The following TNFAIP8 variants were observed in gnomAD, a reference collection of about 807,000 sequenced individuals.
The protein encoded by TNFAIP8 is tumor necrosis factor alpha-induced protein 8.
A neutral mutation model predicts 13.3 loss-of-function variants in TNFAIP8; 7 were observed. The observed-to-expected ratio is 0.52, with a 90% CI of 0.30 to 0.99. The LOEUF is 0.99. TNFAIP8 is among the 50% of genes least tolerant of loss of function. TNFAIP8 has a pLI of 0.07. For synonymous variants in TNFAIP8, 94 were observed against 87.6 expected (o/e 1.07, Z -0.41); for missense variants, 258 against 236.9 (o/e 1.09, Z -0.58).
chr5:119,393,341 G>A lies in TNFAIP8; in HGVS notation c.557G>A (p.Cys186Tyr). ...TTTAAACCCCACTTACAAAAACTAT[G>A]TGATGGTATCAACAAAATGTTGGAT... is the stretch of plus-strand genomic sequence containing the variant. ...GNFKPHLQKL[C>Y]DGINKMLDEE... The change falls in exon 2 of 2, where the codon TGT becomes TAT. Residue 186 changes from cysteine (C) to tyrosine (Y), a missense_variant. By Grantham distance (194) the Cys-to-Tyr change is radical (BLOSUM62 -2). Transcript: ENST00000504771. 8 of 1,613,898 alleles carry A rather than the reference G, an allele frequency of 5.0e-6. No individual in the cohort carries two copies. The highest frequency in any genetic ancestry group is 1.1e-5 in the South Asian group (1 of 91,076).
At chr5:119,350,633 A>C (rs1751088537) in intron 1 of TNFAIP8, among the ~76,000 whole-genome samples, 1 of 152,230 alleles carries the variant, frequency 6.6e-6, no homozygotes, top group Non-Finnish European at 1.5e-5. Flanking sequence ...CACATCCCAG[A>C]TGTATTATTG....
intron 1 of TNFAIP8, among the ~76,000 whole-genome samples, chr5:119,348,163 C>G (rs1471205811): frequency 6.6e-6 from 1 of 152,154 alleles, no homozygotes; most frequent in African/African-American, 2.4e-5. Flanking sequence ...CACTGGGTGT[C>G]TTGAGCAGAG....
chr5:119,374,687 C>T (rs1339066735), intron 1 of TNFAIP8, among the ~76,000 whole-genome samples: 3 of 152,100 alleles, frequency 2.0e-5, no homozygotes, highest in African/African-American at 7.2e-5. Context: ...CATTTCAATG[C>T]GGGGTAGCTA....
chr5:119,302,924 G>T (rs1026911197), intron 1 of TNFAIP8, among the ~76,000 whole-genome samples: 5 of 152,100 alleles, frequency 3.3e-5, no homozygotes, highest in Non-Finnish European at 7.3e-5. Flanking sequence ...ACATTATTGC[G>T]AATTGTTACG....
chr5:119,285,762 C>A (rs2150807354), intron 1 of TNFAIP8, among the ~76,000 whole-genome samples: 1 of 152,258 alleles, frequency 6.6e-6, no homozygotes, highest in East Asian at 1.9e-4. Context: ...ATGAACAAAA[C>A]AAAAACTCAA....
chr5:119,381,933 A>T (rs150528721), intron 1 of TNFAIP8, among the ~76,000 whole-genome samples: 1 of 152,292 alleles, frequency 6.6e-6, no homozygotes, highest in African/African-American at 2.4e-5. Context: ...AAAAAAATAA[A>T]AAAAAACACC....
intron 1 of TNFAIP8, among the ~76,000 whole-genome samples, chr5:119,385,913 A>G (rs761678841): frequency 2.0e-5 from 3 of 152,242 alleles, no homozygotes; most frequent in Non-Finnish European, 4.4e-5. Flanking sequence ...ATGTCCATTT[A>G]TCTCTGGAAC....
chr5:119,370,223 C>G (rs566115187), intron 1 of TNFAIP8, among the ~76,000 whole-genome samples: 2 of 152,130 alleles, frequency 1.3e-5, no homozygotes, highest in African/African-American at 4.8e-5. Flanking sequence ...CAAATCAGTC[C>G]AGAAGCTTAT....
At chr5:119,322,793 G>A (rs1750104177) in intron 1 of TNFAIP8, among the ~76,000 whole-genome samples, 1 of 152,086 alleles carries the variant, frequency 6.6e-6, no homozygotes, top group African/African-American at 2.4e-5. Context: ...CATTTCTAGG[G>A]TTTCAGATTC....
At chr5:119,280,505 CT>C (rs1290697214) in intron 1 of TNFAIP8, among the ~76,000 whole-genome samples, 15 of 152,070 alleles carry the variant, frequency 9.9e-5, no homozygotes, top group African/African-American at 3.1e-4. Flanking sequence ...GTTTAACTTA[CT>C]GCTTTTCCCT....
chr5:119,391,335 A>G, intron 1 of TNFAIP8: 1 of 700,912 alleles, frequency 1.4e-6, no homozygotes. Context: ...TTTATCTTTC[A>G]TTACCAAATG....
chr5:119,335,953 T>G (rs1750536899), intron 1 of TNFAIP8, among the ~76,000 whole-genome samples: 1 of 151,996 alleles, frequency 6.6e-6, no homozygotes. Flanking sequence ...TGATTGATAT[T>G]AGACTCACCT....
At chr5:119,320,052 A>G (rs1476340499) in intron 1 of TNFAIP8, among the ~76,000 whole-genome samples, 5 of 152,114 alleles carry the variant, frequency 3.3e-5, no homozygotes, top group Non-Finnish European at 7.4e-5. Flanking sequence ...GAGTGTAGAA[A>G]TTGCCTTTCA....
chr5:119,317,519 T>C (rs573608312), intron 1 of TNFAIP8, among the ~76,000 whole-genome samples: 30 of 150,916 alleles, frequency 2.0e-4, no homozygotes, highest in Middle Eastern at 3.4e-3. Context: ...TTTTGAGATA[T>C]TCAGGATGCT....
At chr5:119,327,326 A>G (rs1280790747) in intron 1 of TNFAIP8, among the ~76,000 whole-genome samples, 2 of 152,244 alleles carry the variant, frequency 1.3e-5, no homozygotes, top group African/African-American at 2.4e-5. Context: ...TGGGTGACAC[A>G]TCATATTTTC....
chr5:119,315,444 C>CAT (rs900663275), intron 1 of TNFAIP8, among the ~76,000 whole-genome samples: 22 of 151,642 alleles, frequency 1.5e-4, no homozygotes, highest in African/African-American at 4.9e-4. Context: ...TGTGTGTATG[C>CAT]ATGTGTGTGT....
chr5:119,358,593 G>A (rs1038040972), intron 1 of TNFAIP8, among the ~76,000 whole-genome samples: 6 of 152,144 alleles, frequency 3.9e-5, no homozygotes, highest in Non-Finnish European at 8.8e-5. Context: ...GGAAATGAAA[G>A]AAGAAACTCA....
At chr5:119,373,170 G>A (rs955341237) in intron 1 of TNFAIP8, among the ~76,000 whole-genome samples, 1 of 151,830 alleles carries the variant, frequency 6.6e-6, no homozygotes, top group South Asian at 2.1e-4. Flanking sequence ...ACCCCTTTTC[G>A]ACAGCCTGCT....
chr5:119,281,535 C>T (rs1748630484), intron 1 of TNFAIP8, among the ~76,000 whole-genome samples: 1 of 152,116 alleles, frequency 6.6e-6, no homozygotes, highest in Non-Finnish European at 1.5e-5. Context: ...CCATATTACA[C>T]ACAAATCGTC....
Sources: allele counts gnomAD v4.1 joint callset (sites outside exome capture counted in the v4.1 genomes callset), GRCh38; gene constraint gnomAD v4.1.1; transcripts MANE v1.5; gene names NCBI Gene and HGNC (gene_info 2026-07-23, HGNC 2026-07-21).